CDH4: variants seen among roughly 807,000 people sequenced by gnomAD.
The protein encoded by CDH4 is cadherin 4.
CDH4 carries 33 observed loss-of-function variants against 86.0 expected under a neutral mutation model. That is an observed-to-expected ratio of 0.38 (90% CI 0.29 to 0.51). CDH4 has a LOEUF of 0.51. Ranked by LOEUF, CDH4 falls within the 20% of genes least tolerant of loss-of-function variation. CDH4 has a pLI of 0.86. For missense variants in CDH4, 1,114 were observed against 1,307.4 expected, an observed-to-expected ratio of 0.85 and a Z score of 2.28; for synonymous variants, 555 against 549.4, an observed-to-expected ratio of 1.01 and a Z score of -0.14.
chr20:61,316,357 G>A (rs955460048), intron 2 of CDH4, among the ~76,000 whole-genome samples: 2 of 152,256 alleles, frequency 1.3e-5, no homozygotes, highest in Admixed American at 6.5e-5. Context: ...CCGCCGCGCT[G>A]ACCTAAGTCG....
At chr20:61,917,545 C>T (rs2040319179) in intron 9 of CDH4, among the ~76,000 whole-genome samples, 1 of 152,260 alleles carries the variant, frequency 6.6e-6, no homozygotes, top group Admixed American at 6.5e-5. Context: ...TCAGGCAACT[C>T]CTCCCCAAGA....
At chr20:61,296,922 G>A (rs529899327) in intron 2 of CDH4, among the ~76,000 whole-genome samples, 12 of 152,300 alleles carry the variant, frequency 7.9e-5, no homozygotes, top group African/African-American at 2.9e-4. Context: ...TCTCTTCATA[G>A]TGGTTACTGT....
At chr20:61,839,896 G>A (rs1187268893) in intron 4 of CDH4, among the ~76,000 whole-genome samples, 2 of 151,420 alleles carry the variant, frequency 1.3e-5, no homozygotes, top group Non-Finnish European at 2.9e-5. Context: ...GTGTGTATGT[G>A]TGTACTGTGT....
At chr20:61,830,033 AT>A (rs1308580429) in intron 4 of CDH4, among the ~76,000 whole-genome samples, 1 of 151,156 alleles carries the variant, frequency 6.6e-6, no homozygotes, top group Non-Finnish European at 1.5e-5. Flanking sequence ...AGATCTCTAA[AT>A]TTTTTTTCTG....
chr20:61,607,253 T>C, intron 2 of CDH4, among the ~76,000 whole-genome samples: 1 of 152,234 alleles, frequency 6.6e-6, no homozygotes, highest in East Asian at 1.9e-4. Flanking sequence ...GTGCACTAAC[T>C]GAGATGTTTT....
intron 2 of CDH4, among the ~76,000 whole-genome samples, chr20:61,398,468 A>G (rs6142825): frequency 0.46 from 70,400 of 152,160 alleles, 16,778 homozygotes; most frequent in African/African-American, 0.56. Context: ...CCCCAAGGGC[A>G]TGGGGTCTGG....
At position 61,827,133 on chromosome 20, in the gene CDH4, A is replaced by T. The variant is rs1429037943; in HGVS notation, c.577-17535A>T. ...AACGTCTCAGAATAGACCTCGGTGGATTTGACTTTGAAAGATTTTTACAAA... is the reference window on the plus strand; with the variant it reads ...AACGTCTCAGAATAGACCTCGGTGGTTTTGACTTTGAAAGATTTTTACAAA... On this transcript the variant is annotated intron_variant, in intron 4 of 15. Transcript: ENST00000614565. Among the ~76,000 whole-genome samples, 10 of 152,166 alleles carry T rather than the reference A, an allele frequency of 6.6e-5. No homozygotes were observed. In the East Asian group the frequency reaches 1.7e-3, roughly 26 times the overall value.
chr20:61,273,063 G>T (rs62199396), intron 2 of CDH4, among the ~76,000 whole-genome samples: 7 of 68,242 alleles, frequency 1.0e-4, no homozygotes, highest in East Asian at 1.2e-3. Context: ...TTTGGGGGAG[G>T]ACCATGTGCA....
rs1397726153 is a variant in CDH4, at chr20:61,677,380, G to A, written c.170-66183G>A. Reference sequence around the variant, plus strand: ...TCAGCACCAGGCACACAGAGAAAGCGGCCTCCCTTCTGTGGGAGGGCCTTC... The same window carrying A: ...TCAGCACCAGGCACACAGAGAAAGCAGCCTCCCTTCTGTGGGAGGGCCTTC... On this transcript the variant is annotated intron_variant, in intron 2 of 15. Coordinates refer to ENST00000614565, the MANE Select transcript of CDH4 (RefSeq NM_001794.5). Among the ~76,000 whole-genome samples, 2 of 152,192 alleles carry A rather than the reference G, an allele frequency of 1.3e-5. 1 individual carries two copies. The highest frequency in any genetic ancestry group is 1.3e-4 in the Admixed American group (2 of 15,276).
At chr20:61,757,693 TG>T (rs1292515947) in intron 3 of CDH4, among the ~76,000 whole-genome samples, 1 of 152,214 alleles carries the variant, frequency 6.6e-6, no homozygotes, top group Non-Finnish European at 1.5e-5. Context: ...CGTGGTGACC[TG>T]GAAGGTGGCT....
intron 5 of CDH4, among the ~76,000 whole-genome samples, chr20:61,849,282 A>G (rs1226478352): frequency 1.3e-5 from 2 of 151,906 alleles, no homozygotes; most frequent in African/African-American, 2.4e-5. Context: ...TGTGACCCCA[A>G]CTCCGGATTT....
At chr20:61,928,058 C>T (rs941098598) in intron 11 of CDH4, 132 bp from the exon 12 acceptor site, 10 of 759,596 alleles carry the variant, frequency 1.3e-5, no homozygotes, top group Middle Eastern at 3.1e-4. Context: ...CGGCCGTGTC[C>T]GGCTGGGGGT....
rs959289380 is a variant in CDH4 at position 61,874,005 on chromosome 20, T to C, written c.1050+105T>C. ...CTCCAGTGGCGCCGTCGGGGAGTGA[T>C]CGACAGTCTCCCCAGTGGCACTCTC... On this transcript the variant is annotated intron_variant, in intron 7 of 15. Transcript: ENST00000614565. 4 of 1,210,242 alleles carry C rather than the reference T, an allele frequency of 3.3e-6. No homozygotes were observed. In the African/African-American group the frequency reaches 6.0e-5, roughly 18 times the overall value. The allele number at this position is 1,210,242 out of a possible 1,614,324, so 75.0% of individuals were successfully genotyped here.
At chr20:61,445,392 C>T (rs1013428403) in intron 2 of CDH4, among the ~76,000 whole-genome samples, 2 of 152,216 alleles carry the variant, frequency 1.3e-5, no homozygotes, top group Admixed American at 1.3e-4. Context: ...CAGGTCTCTC[C>T]TTCAAAGTGA....
chr20:61,686,624 A>T (rs2087580331), intron 2 of CDH4, among the ~76,000 whole-genome samples: 1 of 117,312 alleles, frequency 8.5e-6, no homozygotes, highest in Non-Finnish European at 1.8e-5. Flanking sequence ...TGTGTATCTG[A>T]GTGCACATTC....
At position 61,503,266 on chromosome 20, in the gene CDH4, A is replaced by T. The variant is rs540209094; in HGVS notation, c.170-240297A>T. ...GGGCCCACAGGAAATGTGTCCGTTC[A>T]TAGTTGCAGGTGGAGCAACAGGTGA... On this transcript the variant is annotated intron_variant, in intron 2 of 15. Coordinates refer to ENST00000614565, the MANE Select transcript of CDH4 (RefSeq NM_001794.5). 1.5e-3 allele frequency among the ~76,000 whole-genome samples: 235 copies of T among 152,336 alleles called. 1 individual carries two copies. Among genetic ancestry groups the T allele is most frequent in the African/African-American group, 5.6e-3 (232 of 41,578 alleles).
chr20:61,629,121 A>G (rs6061295), intron 2 of CDH4, among the ~76,000 whole-genome samples: 72,962 of 152,196 alleles, frequency 0.48, 18,061 homozygotes, highest in East Asian at 0.61. Context: ...AGCAGCTGCC[A>G]CTTTGCATAG....
At chr20:61,395,459 A>G (rs961009037) in intron 2 of CDH4, among the ~76,000 whole-genome samples, 1 of 152,182 alleles carries the variant, frequency 6.6e-6, no homozygotes, top group African/African-American at 2.4e-5. Flanking sequence ...ATGATATACC[A>G]TGACATAACA....
At chr20:61,506,084 G>C (rs898652066) in intron 2 of CDH4, among the ~76,000 whole-genome samples, 2 of 152,202 alleles carry the variant, frequency 1.3e-5, no homozygotes, top group African/African-American at 4.8e-5. Flanking sequence ...CAAAACCAAA[G>C]TGACTTTATT....
Sources: allele counts gnomAD v4.1 joint callset (sites outside exome capture counted in the v4.1 genomes callset), GRCh38; gene constraint gnomAD v4.1.1; transcripts MANE v1.5; gene names NCBI Gene and HGNC (gene_info 2026-07-23, HGNC 2026-07-21).